The following LDLRAD4 variants were observed in gnomAD, a reference collection of about 807,000 sequenced individuals.
The protein encoded by LDLRAD4 is low-density lipoprotein receptor class A domain-containing protein 4.
Under a neutral mutation model 17.0 loss-of-function variants are expected in LDLRAD4, and 5 were observed. The ratio of observed to expected loss-of-function variants is 0.29; its 90% CI spans 0.15 to 0.62. The LOEUF is 0.62. Among genes scored for constraint, LDLRAD4 ranks in the 20% least tolerant of loss-of-function variants. The pLI is 0.84. For synonymous variants in LDLRAD4, 168 were observed against 171.8 expected, an observed-to-expected ratio of 0.98 and a Z score of 0.17; for missense variants, 340 against 424.7, an observed-to-expected ratio of 0.80 and a Z score of 1.75.
At position 13,367,512 on chromosome 18, in the gene LDLRAD4, T is replaced by G. The variant is rs959622451; in HGVS notation, c.-382-19829T>G. 1.6e-4 allele frequency among the ~76,000 whole-genome samples: 24 copies of G among 152,308 alleles called. 1 individual carries two copies. Among genetic ancestry groups the G allele is most frequent in the African/African-American group, 4.1e-4 (17 of 41,568 alleles). The stretch of plus-strand genomic sequence containing the variant: ...AAGGATTCAGTGCACACCAGGCAGC[T>G]TCCGTCCAGGCGGAGAGCCAGGGCC... On this transcript the variant is annotated intron_variant, in intron 1 of 5. Transcript: ENST00000359446. This position sits in a 1 kb window ranked among gnomAD's most constrained non-coding sequence, Gnocchi z 4.1.
At chr18:13,359,286 G>A (rs1184171608) in intron 1 of LDLRAD4, among the ~76,000 whole-genome samples, 1 of 152,212 alleles carries the variant, frequency 6.6e-6, no homozygotes, top group Admixed American at 6.5e-5. Flanking sequence ...CTCCATGGTT[G>A]TAAGAGACCT....
intron 2 of LDLRAD4, among the ~76,000 whole-genome samples, chr18:13,418,650 C>G (rs894543227): frequency 1.3e-5 from 2 of 152,210 alleles, no homozygotes; most frequent in Non-Finnish European, 2.9e-5. Context: ...TTTTGGTGTG[C>G]TAAGTTCAAA....
intron 1 of LDLRAD4, among the ~76,000 whole-genome samples, chr18:13,219,531 A>G (rs954488366): frequency 1.3e-5 from 2 of 152,084 alleles, no homozygotes; most frequent in South Asian, 2.1e-4. Flanking sequence ...AGGGCCTACT[A>G]TGTGTTAGGC....
chr18:13,287,888 C>T (rs2045722082), intron 1 of LDLRAD4, among the ~76,000 whole-genome samples: 1 of 152,186 alleles, frequency 6.6e-6, no homozygotes, highest in Non-Finnish European at 1.5e-5. Context: ...AACCTTATCT[C>T]ACAAGAGGCA....
At chr18:13,481,958 AGTGGGGCTGGG>A (rs2093098533) in intron 3 of LDLRAD4, among the ~76,000 whole-genome samples, 1 of 152,052 alleles carries the variant, frequency 6.6e-6, no homozygotes, top group East Asian at 1.9e-4. Context: ...GCAGGGCTGG[AGTGGGGCTGGG>A]GGAGACAGAG....
chr18:13,410,380 TTGCAC>T (rs1182727335), intron 2 of LDLRAD4, among the ~76,000 whole-genome samples: 1 of 152,218 alleles, frequency 6.6e-6, no homozygotes, highest in African/African-American at 2.4e-5. Context: ...GTTTTGATGA[TTGCAC>T]TGCAGCTGTC....
chr18:13,547,298 A>C (rs1200787611), intron 3 of LDLRAD4, among the ~76,000 whole-genome samples: 1 of 152,234 alleles, frequency 6.6e-6, no homozygotes, highest in Non-Finnish European at 1.5e-5. Context: ...TTGAAAAATT[A>C]ACTTTCTGCA....
At chr18:13,337,834 C>T (rs2082178386) in intron 1 of LDLRAD4, among the ~76,000 whole-genome samples, 1 of 151,722 alleles carries the variant, frequency 6.6e-6, no homozygotes, top group Non-Finnish European at 1.5e-5. Context: ...GCTCTCCAGT[C>T]TGGGTGACAG....
At chr18:13,251,432 T>A (rs2043217141) in intron 1 of LDLRAD4, among the ~76,000 whole-genome samples, 2 of 152,208 alleles carry the variant, frequency 1.3e-5, no homozygotes, top group African/African-American at 4.8e-5. Flanking sequence ...GAAGTCAGAT[T>A]ATCCCTGTTT....
chr18:13,328,007 A>C (rs1034837883), intron 1 of LDLRAD4, among the ~76,000 whole-genome samples: 9 of 152,204 alleles, frequency 5.9e-5, no homozygotes, highest in Non-Finnish European at 1.0e-4. Context: ...AACACGCCTC[A>C]TGAGACCCCC....
intron 1 of LDLRAD4, among the ~76,000 whole-genome samples, chr18:13,380,014 G>A (rs57959960): frequency 8.0e-6 from 1 of 124,752 alleles, no homozygotes; most frequent in African/African-American, 4.0e-5. Flanking sequence ...CCGTCAGCCC[G>A]AGCCCTCACG....
At chr18:13,480,865 C>T (rs1361325846) in intron 3 of LDLRAD4, among the ~76,000 whole-genome samples, 1 of 152,238 alleles carries the variant, frequency 6.6e-6, no homozygotes, top group Non-Finnish European at 1.5e-5. Flanking sequence ...GCCTCACAGA[C>T]ACCCATGACT....
intron 3 of LDLRAD4, among the ~76,000 whole-genome samples, chr18:13,605,818 C>T (rs2095217526): frequency 6.6e-6 from 1 of 152,180 alleles, no homozygotes; most frequent in Non-Finnish European, 1.5e-5. Flanking sequence ...GCTGGCACCA[C>T]GATTTCTCCA....
intron 1 of LDLRAD4, among the ~76,000 whole-genome samples, chr18:13,326,719 C>T (rs1326968831): frequency 1.3e-5 from 2 of 152,064 alleles, no homozygotes; most frequent in African/African-American, 2.4e-5. Flanking sequence ...CATTGCCTGG[C>T]TCACCCTCTT....
At chr18:13,400,431 A>G (rs1189092478) in intron 2 of LDLRAD4, among the ~76,000 whole-genome samples, 1 of 152,258 alleles carries the variant, frequency 6.6e-6, no homozygotes, top group East Asian at 1.9e-4. Context: ...GGGTGAGGGT[A>G]GGCCCACCTG....
chr18:13,625,740 A>C (rs969180691), intron 4 of LDLRAD4, among the ~76,000 whole-genome samples: 1 of 8,556 alleles, frequency 1.2e-4, no homozygotes, highest in East Asian at 3.8e-3. Flanking sequence ...TCCTCCCCCC[A>C]CCAGAGCCCT....
exon 6 of LDLRAD4, chr18:13,650,505 G>T: frequency 5.0e-6 from 2 of 397,348 alleles, no homozygotes; most frequent in East Asian, 3.6e-5. Flanking sequence ...AGCAACTAAG[G>T]TGCCTCATGT....
chr18:13,326,183 C>G (rs1313839098), intron 1 of LDLRAD4, among the ~76,000 whole-genome samples: 1 of 152,084 alleles, frequency 6.6e-6, no homozygotes, highest in African/African-American at 2.4e-5. Flanking sequence ...GGAAAAATAC[C>G]AGCCACAGAC....
chr18:13,313,708 C>A (rs534871250), intron 1 of LDLRAD4, among the ~76,000 whole-genome samples: 1 of 152,274 alleles, frequency 6.6e-6, no homozygotes, highest in East Asian at 1.9e-4. Context: ...TTTCTTAGAT[C>A]TTTTTCTCTG....
Sources: gnomAD v4.1 joint callset for allele counts (sites outside exome capture counted in the v4.1 genomes callset) on GRCh38, gnomAD v4.1.1 for gene constraint, Gnocchi (gnomAD v3.1) non-coding constraint, MANE v1.5 for transcripts, NCBI Gene and HGNC (gene_info 2026-07-23, HGNC 2026-07-21) for gene names.